The following KRT80 variants were observed in gnomAD, a reference collection of about 807,000 sequenced individuals.
KRT80 encodes the protein keratin 80.
A neutral mutation model predicts 51.5 loss-of-function variants in KRT80; 36 were observed. That is an observed-to-expected ratio of 0.70 (90% CI 0.54 to 0.92). The LOEUF (loss-of-function observed/expected upper bound fraction) is 0.92. Ranked by LOEUF, KRT80 falls within the 40% of genes least tolerant of loss-of-function variation. KRT80 has a pLI of 0.00. For missense variants in KRT80, 566 were observed against 591.7 expected (o/e 0.96, Z 0.45); for synonymous variants, 235 against 248.3 (o/e 0.95, Z 0.50).
intron 4 of KRT80, among the ~76,000 whole-genome samples, chr12:52,179,805 T>A (rs1200939174): frequency 1.3e-5 from 2 of 152,222 alleles, no homozygotes; most frequent in Admixed American, 1.3e-4. Context: ...TGCAGACCTC[T>A]GTGGAAGGGA....
At chr12:52,187,076 C>G (rs1215526137) in intron 1 of KRT80, among the ~76,000 whole-genome samples, 2 of 152,244 alleles carry the variant, frequency 1.3e-5, no homozygotes, top group African/African-American at 4.8e-5. Flanking sequence ...TCTGCTCCCC[C>G]TTGGGGCCTC....
intron 1 of KRT80, among the ~76,000 whole-genome samples, chr12:52,187,881 C>T (rs1430743087): frequency 6.6e-6 from 1 of 152,156 alleles, no homozygotes; most frequent in Non-Finnish European, 1.5e-5. Flanking sequence ...CTTCCTCCAC[C>T]CATGAGCAGC....
At chr12:52,186,207 TCTC>T (rs1333993277) in intron 1 of KRT80, among the ~76,000 whole-genome samples, 2 of 151,902 alleles carry the variant, frequency 1.3e-5, no homozygotes, top group East Asian at 1.9e-4. Flanking sequence ...TCCTCTCTAT[TCTC>T]CTTCCCATCA....
Position 52,173,773 on chromosome 12 carries a change from G to C in KRT80, c.667-9C>G, listed in dbSNP as rs774496462. 1.2e-6 allele frequency: 2 copies of C among 1,607,876 alleles called. No individual in the cohort carries two copies. The highest frequency in any genetic ancestry group is 8.5e-7 in the Non-Finnish European group (1 of 1,179,736). Reference sequence around the variant, plus strand: ...GCCAGGTCCTTCAGCTCCTGACCGGGCACAGATGTGGGGGCTCAGGGCTGG... The same window carrying C: ...GCCAGGTCCTTCAGCTCCTGACCGGCCACAGATGTGGGGGCTCAGGGCTGG... On this transcript the variant is annotated splice_polypyrimidine_tract_variant and intron_variant, in intron 4 of 8. Coordinates refer to ENST00000394815, the MANE Select transcript of KRT80 (RefSeq NM_182507.3).
chr12:52,177,935 T>A (rs1324298529), intron 4 of KRT80, among the ~76,000 whole-genome samples: 1 of 152,134 alleles, frequency 6.6e-6, no homozygotes, highest in African/African-American at 2.4e-5. Context: ...ATAAAATATA[T>A]TATTAAAATT....
rs1397471831 is a variant in KRT80, at chr12:52,180,970, G to A, written c.510-7C>T. ...GGAGATCTCATCCTCATACCTGGGAGGGAGAGAGGGGTTGCTCAGCTGGAT... is the reference window on the plus strand; with the variant it reads ...GGAGATCTCATCCTCATACCTGGGAAGGAGAGAGGGGTTGCTCAGCTGGAT... On this transcript the variant is annotated splice_region_variant and splice_polypyrimidine_tract_variant and intron_variant, in intron 2 of 8. Coordinates refer to ENST00000394815, the MANE Select transcript of KRT80 (RefSeq NM_182507.3). 1 of 1,519,452 alleles carries A rather than the reference G, an allele frequency of 6.6e-7. No individual in the cohort carries two copies. Among genetic ancestry groups the A allele is most frequent in the African/African-American group, 1.4e-5 (1 of 71,804 alleles). The allele number at this position is 1,519,452 out of a possible 1,614,324, so 94.1% of individuals were successfully genotyped here.
Position 52,173,657 on chromosome 12 carries a change from C to G in KRT80, c.774G>C (p.Gln258His), listed in dbSNP as rs1242146555. 2 of 1,613,266 alleles carry G rather than the reference C, an allele frequency of 1.2e-6. No homozygotes were observed. Among genetic ancestry groups the G allele is most frequent in the Admixed American group, 3.3e-5 (2 of 60,036 alleles). ...GGCTGCGAGCCGCGACGGCGTCATA[C>G]TGGGCCTTCACCTCCTCCACGATGC... is the stretch of plus-strand genomic sequence containing the variant. The part of the protein sequence containing the change: ...LSGIVEEVKA[Q>H]YDAVAARSLE... Residue 258 changes from glutamine to histidine, a missense_variant, in exon 5 of 9, where the codon CAG becomes CAC. Gln to His is a conservative substitution (Grantham distance 24, BLOSUM62 0). Transcript: ENST00000394815.
At chr12:52,176,075 C>T (rs955056910) in intron 4 of KRT80, among the ~76,000 whole-genome samples, 10 of 152,352 alleles carry the variant, frequency 6.6e-5, no homozygotes, top group Non-Finnish European at 1.3e-4. Flanking sequence ...TATAGCAGGA[C>T]TTCCCAGTCA....
intron 2 of KRT80, among the ~76,000 whole-genome samples, chr12:52,182,207 A>C (rs1490870116): frequency 1.3e-5 from 2 of 152,148 alleles, no homozygotes; most frequent in African/African-American, 4.8e-5. Context: ...GCCGGGGAGA[A>C]CGTTCTGCTG....
intron 2 of KRT80, among the ~76,000 whole-genome samples, chr12:52,183,391 C>T (rs577354815): frequency 5.3e-5 from 8 of 152,354 alleles, no homozygotes; most frequent in East Asian, 1.9e-4. Flanking sequence ...CTGATCTCAT[C>T]GGCTCCGTAG....
chr12:52,178,834 C>G (rs1941275615), intron 4 of KRT80, among the ~76,000 whole-genome samples: 1 of 151,184 alleles, frequency 6.6e-6, no homozygotes, highest in African/African-American at 2.4e-5. Context: ...CACTAAGGCA[C>G]AGAGAGGAGA....
intron 1 of KRT80, among the ~76,000 whole-genome samples, chr12:52,187,404 C>T (rs962858800): frequency 2.0e-5 from 3 of 152,234 alleles, no homozygotes; most frequent in Non-Finnish European, 2.9e-5. Context: ...CAAAGCAACT[C>T]GGTGGCCCAG....
At chr12:52,175,074 C>A (rs1490333727) in intron 4 of KRT80, among the ~76,000 whole-genome samples, 2 of 152,200 alleles carry the variant, frequency 1.3e-5, no homozygotes, top group African/African-American at 4.8e-5. Context: ...CTATTTCAAT[C>A]ATCAAATTTC....
chr12:52,187,603 G>A (rs554712260), intron 1 of KRT80, among the ~76,000 whole-genome samples: 4 of 152,346 alleles, frequency 2.6e-5, no homozygotes, highest in South Asian at 2.1e-4. Context: ...GGATGATGGC[G>A]TTTGACGGTA....
chr12:52,185,467 C>T lies in KRT80; in HGVS notation c.421G>A (p.Glu141Lys). Reference protein sequence around the residue: ...LYEEYQGRLQEELRKVSQERG... With the variant: ...LYEEYQGRLQKELRKVSQERG... Reference sequence around the variant, plus strand: ...TCCTGGCTCACTTTGCGCAGTTCCTCCTGCAGCCGGCCCTGATATTCCTCA... The same window carrying T: ...TCCTGGCTCACTTTGCGCAGTTCCTTCTGCAGCCGGCCCTGATATTCCTCA... The change falls in exon 2 of 9, where the codon GAG becomes AAG. Residue 141 changes from glutamate (E) to lysine (K), a missense_variant. Coordinates refer to ENST00000394815, the MANE Select transcript of KRT80 (RefSeq NM_182507.3). 6.2e-7 allele frequency: 1 copy of T among 1,614,080 alleles called. No homozygotes were observed. The highest frequency in any genetic ancestry group is 8.5e-7 in the Non-Finnish European group (1 of 1,180,036).
intron 2 of KRT80, among the ~76,000 whole-genome samples, chr12:52,184,127 G>A (rs541640338): frequency 3.9e-5 from 6 of 152,340 alleles, no homozygotes; most frequent in Admixed American, 2.0e-4. Context: ...CAGGACAGGT[G>A]CTCTCCACTC....
chr12:52,181,022 T>G, intron 2 of KRT80, 59 bp from the exon 3 acceptor site: 1 of 1,370,276 alleles, frequency 7.3e-7, no homozygotes, highest in Non-Finnish European at 9.9e-7. Flanking sequence ...CCTGGTGAAC[T>G]CCCCTTGGTT....
At chr12:52,180,826 G>A (rs1223326227) in intron 3 of KRT80, 77 bp downstream of exon 3, 2 of 1,608,218 alleles carry the variant, frequency 1.2e-6, no homozygotes, top group Non-Finnish European at 1.7e-6. Flanking sequence ...GGGCATAAAG[G>A]AGAGTAGGAT....
Position 52,171,655 on chromosome 12 carries a change from C to G in KRT80, c.1234+3G>C, listed in dbSNP as rs763440851. On this transcript the variant is annotated splice_donor_region_variant and intron_variant, in intron 8 of 8. Transcript: ENST00000394815. ...CATGGGTTCTCGGGGCAAGAGGACT[C>G]ACCGGTTTTGCACCTGGACTGCACA... 1.3e-6 allele frequency: 2 copies of G among 1,589,452 alleles called. No individual in the cohort carries two copies. The highest frequency in any genetic ancestry group is 1.1e-5 in the South Asian group (1 of 87,348).
Sources: gnomAD v4.1 joint callset for allele counts (sites outside exome capture counted in the v4.1 genomes callset) on GRCh38, gnomAD v4.1.1 for gene constraint, MANE v1.5 for transcripts, NCBI Gene and HGNC (gene_info 2026-07-23, HGNC 2026-07-21) for gene names.